Variants in ATP9B observed in about 807,000 individuals in gnomAD.
ATP9B encodes the protein probable phospholipid-transporting ATPase IIB.
A neutral mutation model predicts 146.1 loss-of-function variants in ATP9B; 110 were observed. The observed-to-expected ratio is 0.75, with a 90% CI of 0.65 to 0.88. ATP9B has a LOEUF of 0.88. Among genes scored for constraint, ATP9B ranks in the 40% least tolerant of loss-of-function variants. The pLI is 0.00. For missense variants in ATP9B, 1,499 were observed against 1,496.4 expected (o/e 1.00, Z -0.03); for synonymous variants, 604 against 569.7 (o/e 1.06, Z -0.86).
chr18:79,290,993 G>A (rs1406928743), intron 13 of ATP9B, among the ~76,000 whole-genome samples: 1 of 152,120 alleles, frequency 6.6e-6, no homozygotes, highest in Non-Finnish European at 1.5e-5. Flanking sequence ...GGAATATGTG[G>A]TCCGAAACCT....
chr18:79,076,879 A>C (rs1223971015), intron 1 of ATP9B, among the ~76,000 whole-genome samples: 3 of 151,468 alleles, frequency 2.0e-5, no homozygotes, highest in Non-Finnish European at 4.4e-5. Flanking sequence ...ATTTTCTCTT[A>C]AAGTTCACTG....
At chr18:79,254,457 CTGTT>C (rs1265491620) in intron 12 of ATP9B, 1 of 152,358 alleles carries the variant, frequency 6.6e-6, no homozygotes. Context: ...CTCACCCAGT[CTGTT>C]CGAGAGGTAG....
chr18:79,154,476 A>C (rs2094742800), intron 6 of ATP9B, 28 bp from the exon 7 acceptor site: 5 of 1,494,496 alleles, frequency 3.3e-6, no homozygotes, highest in Non-Finnish European at 4.5e-6. Context: ...GCATATAGAT[A>C]ATTAATCTTT....
chr18:79,175,828 A>C (rs72996115), intron 7 of ATP9B, among the ~76,000 whole-genome samples: 10,466 of 152,258 alleles, frequency 0.069, 447 homozygotes, highest in Non-Finnish European at 0.1. Context: ...ATGCACGCGC[A>C]CACACATATA....
chr18:79,123,356 G>C (rs756549587), intron 4 of ATP9B, among the ~76,000 whole-genome samples: 22 of 152,036 alleles, frequency 1.4e-4, no homozygotes, highest in Non-Finnish European at 2.8e-4. Context: ...CTTAAAGCAT[G>C]AAATTACATA....
chr18:79,100,079 A>C (rs944994680), intron 2 of ATP9B, among the ~76,000 whole-genome samples: 6 of 152,220 alleles, frequency 3.9e-5, no homozygotes, highest in African/African-American at 1.4e-4. Context: ...GTGAGCCGAG[A>C]TCATGCCACT....
intron 17 of ATP9B, among the ~76,000 whole-genome samples, chr18:79,332,166 AC>A (rs199506712): frequency 0.014 from 2,058 of 152,378 alleles, 23 homozygotes; most frequent in South Asian, 0.023. Context: ...ACGGTGGCTT[AC>A]GCCTGTAATG....
intron 11 of ATP9B, 39 bp downstream of exon 11, chr18:79,214,077 T>C: frequency 6.8e-7 from 1 of 1,471,388 alleles, no homozygotes; most frequent in Non-Finnish European, 9.3e-7. Flanking sequence ...AATGAACTTA[T>C]TTTTCCTTTC....
In ATP9B at chr18:79,307,093, C is replaced by T. The variant is rs758070057; in HGVS notation, c.1632C>T (p.Ala544=). The change falls in exon 15 of 30, where the codon GCC becomes GCT. Residue 544 remains alanine, a synonymous_variant. Transcript: ENST00000426216. ...GTGTCAGTAGTCGAATCCATGAAGCCGTGAAAGCCATCGTGCTGTGTCACA... is the reference window on the plus strand; with the variant it reads ...GTGTCAGTAGTCGAATCCATGAAGCTGTGAAAGCCATCGTGCTGTGTCACA... ...RKSVSSRIHE[A]VKAIVLCHNV... 13 of 1,614,070 alleles carry T rather than the reference C, an allele frequency of 8.1e-6. No homozygotes were observed. Among genetic ancestry groups the T allele is most frequent in the African/African-American group, 2.7e-5 (2 of 74,908 alleles).
intron 4 of ATP9B, among the ~76,000 whole-genome samples, chr18:79,121,925 A>C (rs2094196608): frequency 6.6e-6 from 1 of 152,182 alleles, no homozygotes; most frequent in South Asian, 2.1e-4. Flanking sequence ...GACTTCCTTG[A>C]GTTCTTAGGA....
chr18:79,220,048 G>A (rs1265936351), intron 11 of ATP9B, among the ~76,000 whole-genome samples: 3 of 152,200 alleles, frequency 2.0e-5, no homozygotes. Flanking sequence ...CAGAAGCAGA[G>A]ATAGGCTGCT....
intron 7 of ATP9B, among the ~76,000 whole-genome samples, chr18:79,156,131 C>T (rs753930612): frequency 9.2e-5 from 14 of 152,196 alleles, no homozygotes; most frequent in African/African-American, 2.9e-4. Context: ...CTGCCATTAA[C>T]GGGAGATCAG....
chr18:79,327,475 TG>T (rs1451503510), intron 15 of ATP9B, among the ~76,000 whole-genome samples: 1 of 150,900 alleles, frequency 6.6e-6, no homozygotes, highest in African/African-American at 2.4e-5. Context: ...GTGTTCTCCG[TG>T]GTTAGCGTGC....
At chr18:79,305,575 T>G (rs1479526462) in intron 14 of ATP9B, among the ~76,000 whole-genome samples, 3 of 152,098 alleles carry the variant, frequency 2.0e-5, no homozygotes, top group African/African-American at 7.2e-5. Flanking sequence ...TGCGTTGAAA[T>G]AGTACCAGAT....
intron 7 of ATP9B, among the ~76,000 whole-genome samples, chr18:79,163,000 T>A (rs1347210288): frequency 6.6e-6 from 1 of 152,228 alleles, no homozygotes; most frequent in Non-Finnish European, 1.5e-5. Context: ...TAAAATAAAA[T>A]CAAGTATTCA....
chr18:79,077,219 T>G (rs2072725894), intron 1 of ATP9B, among the ~76,000 whole-genome samples: 1 of 152,234 alleles, frequency 6.6e-6, no homozygotes, highest in Non-Finnish European at 1.5e-5. Flanking sequence ...TATTATGTTA[T>G]GAGATTTGGG....
At chr18:79,339,897 C>A (rs1390803418) in intron 19 of ATP9B, among the ~76,000 whole-genome samples, 1 of 152,168 alleles carries the variant, frequency 6.6e-6, no homozygotes, top group African/African-American at 2.4e-5. Flanking sequence ...TACAAGAGAA[C>A]AATTCTGACT....
At chr18:79,123,098 A>G (rs1487576373) in intron 4 of ATP9B, among the ~76,000 whole-genome samples, 1 of 152,136 alleles carries the variant, frequency 6.6e-6, no homozygotes, top group Non-Finnish European at 1.5e-5. Context: ...AATGAAGTAA[A>G]AGGCATCTAG....
intron 4 of ATP9B, among the ~76,000 whole-genome samples, chr18:79,120,746 C>T (rs1174396517): frequency 1.3e-5 from 2 of 152,192 alleles, no homozygotes; most frequent in Non-Finnish European, 2.9e-5. Context: ...CAGTTTTTAA[C>T]ACTGTATCTT....
Sources: gnomAD v4.1 joint callset for allele counts (sites outside exome capture counted in the v4.1 genomes callset) on GRCh38, gnomAD v4.1.1 for gene constraint, MANE v1.5 for transcripts, NCBI Gene and HGNC (gene_info 2026-07-23, HGNC 2026-07-21) for gene names.